The following MGMT variants were observed in gnomAD, a reference collection of about 807,000 sequenced individuals.
MGMT encodes the protein methylated-DNA--protein-cysteine methyltransferase.
MGMT carries 14 observed loss-of-function variants against 15.9 expected under a neutral mutation model. The observed-to-expected ratio is 0.88, with a 90% CI of 0.58 to 1.37. The LOEUF (loss-of-function observed/expected upper bound fraction) is 1.37, where lower values mean the gene tolerates loss of function less well. Among genes scored for constraint, MGMT ranks in the 40% most tolerant of loss-of-function variants. The pLI is 0.00. For synonymous variants in MGMT, 130 were observed against 118.2 expected (o/e 1.10, Z -0.65); for missense variants, 282 against 268.1 (o/e 1.05, Z -0.36).
At chr10:129,663,775 A>T (rs1431841460) in intron 2 of MGMT, among the ~76,000 whole-genome samples, 1 of 152,230 alleles carries the variant, frequency 6.6e-6, no homozygotes, top group African/African-American at 2.4e-5. Flanking sequence ...AGAGATAGAA[A>T]GCTTAAATAA....
chr10:129,674,274 TA>T (rs151318363), intron 2 of MGMT, among the ~76,000 whole-genome samples: 17,726 of 147,108 alleles, frequency 0.12, 1,402 homozygotes, highest in Admixed American at 0.21. Flanking sequence ...AAGCCAGTTG[TA>T]AAAAAAAAAA....
intron 2 of MGMT, among the ~76,000 whole-genome samples, chr10:129,552,203 C>T (rs1846164892): frequency 6.6e-6 from 1 of 152,226 alleles, no homozygotes; most frequent in Non-Finnish European, 1.5e-5. Context: ...TGGCCGAGCG[C>T]CCCGTTTCCT....
At chr10:129,710,152 T>TGGCA (rs1265920346) in intron 3 of MGMT, among the ~76,000 whole-genome samples, 1 of 152,142 alleles carries the variant, frequency 6.6e-6, no homozygotes, top group Non-Finnish European at 1.5e-5. Context: ...CTTCCTGGGC[T>TGGCA]GGCAGGTCAT....
rs72831600 is a variant in MGMT, at chr10:129,543,714, T to A, written c.125+7337T>A. ...GAAAAAAAAAAGCAATGCAAAAGTT[T>A]TATTTCTGTCAATTTTGTAACTGTG... On this transcript the variant is annotated intron_variant, in intron 2 of 4. Transcript: ENST00000651593. 6.6e-3 allele frequency among the ~76,000 whole-genome samples: 1,001 copies of A among 152,308 alleles called. 12 individuals are homozygous for A. The highest frequency in any genetic ancestry group is 9.5e-3 in the South Asian group (46 of 4,824).
At chr10:129,606,403 CT>C (rs1393775604) in intron 2 of MGMT, among the ~76,000 whole-genome samples, 11 of 152,146 alleles carry the variant, frequency 7.2e-5, no homozygotes, top group Admixed American at 7.2e-4. Context: ...ACTTTTGTCT[CT>C]TTTGGTAATT....
intron 3 of MGMT, among the ~76,000 whole-genome samples, chr10:129,742,828 C>T (rs1164216180): frequency 6.6e-6 from 1 of 151,560 alleles, no homozygotes; most frequent in East Asian, 2.0e-4. Flanking sequence ...GTTCTCAGGG[C>T]CGGGGCGTTC....
chr10:129,540,880 G>A (rs770075896), intron 2 of MGMT, among the ~76,000 whole-genome samples: 1 of 152,218 alleles, frequency 6.6e-6, no homozygotes, highest in African/African-American at 2.4e-5. Context: ...TCATCTCGGG[G>A]TGCTCCCACC....
intron 3 of MGMT, among the ~76,000 whole-genome samples, chr10:129,709,585 T>G (rs1479499319): frequency 1.3e-5 from 2 of 152,010 alleles, no homozygotes; most frequent in Non-Finnish European, 2.9e-5. Context: ...AAATGTAAGG[T>G]CTCAGGACAG....
chr10:129,559,570 G>A (rs1041054809), intron 2 of MGMT, among the ~76,000 whole-genome samples: 3 of 151,648 alleles, frequency 2.0e-5, no homozygotes, highest in Non-Finnish European at 4.4e-5. Flanking sequence ...TTCTTACCAT[G>A]TACTCCCGCT....
intron 2 of MGMT, among the ~76,000 whole-genome samples, chr10:129,561,771 T>G (rs544088130): frequency 5.3e-5 from 8 of 152,350 alleles, no homozygotes; most frequent in Admixed American, 4.6e-4. Flanking sequence ...AATGGCTGTT[T>G]GTGCTACATT....
At chr10:129,680,136 C>T (rs768821798) in intron 2 of MGMT, among the ~76,000 whole-genome samples, 34 of 152,312 alleles carry the variant, frequency 2.2e-4, no homozygotes, top group South Asian at 1.2e-3. Flanking sequence ...TTTGTGACAG[C>T]GATCACATGC....
At chr10:129,602,605 C>T (rs555096403) in intron 2 of MGMT, among the ~76,000 whole-genome samples, 5 of 152,158 alleles carry the variant, frequency 3.3e-5, no homozygotes, top group Non-Finnish European at 5.9e-5. Context: ...GCTGTCCTTT[C>T]GGCTTCAGGT....
intron 2 of MGMT, among the ~76,000 whole-genome samples, chr10:129,643,775 C>T (rs752517489): frequency 6.6e-5 from 10 of 152,198 alleles, no homozygotes; most frequent in East Asian, 3.9e-4. Context: ...AACAACCCAA[C>T]GTGAATTTTG....
chr10:129,574,790 C>A (rs1846460350), intron 2 of MGMT, among the ~76,000 whole-genome samples: 3 of 152,164 alleles, frequency 2.0e-5, no homozygotes, highest in Non-Finnish European at 4.4e-5. Context: ...ACTATTTTCC[C>A]TAAGTTTCCC....
At chr10:129,618,782 C>G (rs975626892) in intron 2 of MGMT, among the ~76,000 whole-genome samples, 5 of 52,538 alleles carry the variant, frequency 9.5e-5, no homozygotes, top group Non-Finnish European at 3.1e-4. Context: ...AGTTTCAATT[C>G]CCAGTATTTC....
intron 2 of MGMT, among the ~76,000 whole-genome samples, chr10:129,611,980 G>A (rs561802238): frequency 3.9e-5 from 6 of 152,314 alleles, no homozygotes; most frequent in Non-Finnish European, 7.3e-5. Flanking sequence ...AGGAGATCCT[G>A]AGAACATGTG....
intron 2 of MGMT, among the ~76,000 whole-genome samples, chr10:129,696,106 C>A (rs1437491638): frequency 2.6e-5 from 4 of 152,158 alleles, no homozygotes; most frequent in Non-Finnish European, 4.4e-5. Flanking sequence ...GACCTCTTCA[C>A]TCCCCCTTTA....
rs187451470 is a variant in MGMT, at chr10:129,744,767, C to T, written c.275-14435C>T. Among the ~76,000 whole-genome samples, 5 of 152,330 alleles carry T rather than the reference C, an allele frequency of 3.3e-5. No homozygotes were observed. The East Asian group carries it at 5.8e-4, about 18-fold the overall frequency. On this transcript the variant is annotated intron_variant, in intron 3 of 4. Transcript: ENST00000651593. ...GGCCCGCCACATCGCCAGCCGTGTG[C>T]GCAAGGTTTATCAGGTTCCTCTTGG... is the stretch of plus-strand genomic sequence containing the variant.
chr10:129,559,419 G>C (rs968226730), intron 2 of MGMT, among the ~76,000 whole-genome samples: 1 of 152,156 alleles, frequency 6.6e-6, no homozygotes, highest in South Asian at 2.1e-4. Context: ...GGAAATGGCT[G>C]GCATGGTGAA....
Sources: allele counts gnomAD v4.1 joint callset (sites outside exome capture counted in the v4.1 genomes callset), GRCh38; gene constraint gnomAD v4.1.1; transcripts MANE v1.5; gene names NCBI Gene and HGNC (gene_info 2026-07-23, HGNC 2026-07-21).